The following PHACTR1 variants were observed in gnomAD, a reference collection of about 807,000 sequenced individuals.
PHACTR1 encodes the protein RPEL repeat containing 1.
PHACTR1 carries 16 observed loss-of-function variants against 69.2 expected under a neutral mutation model. That is an observed-to-expected ratio of 0.23 (90% confidence interval 0.16 to 0.35). The LOEUF (loss-of-function observed/expected upper bound fraction) is 0.35, where lower values mean the gene tolerates loss of function less well. PHACTR1 is among the 10% of genes least tolerant of loss of function. The pLI is 1.00. For missense variants in PHACTR1, 510 were observed against 734.7 expected (o/e 0.69, Z 3.54); for synonymous variants, 312 against 284.5 (o/e 1.10, Z -0.97).
At chr6:13,082,633 C>A (rs1231162448) in intron 5 of PHACTR1, among the ~76,000 whole-genome samples, 1 of 152,114 alleles carries the variant, frequency 6.6e-6, no homozygotes, top group African/African-American at 2.4e-5. Flanking sequence ...TATTAATGAT[C>A]GCCATTCTAA....
intron 6 of PHACTR1, among the ~76,000 whole-genome samples, chr6:13,177,215 T>C (rs1761460837): frequency 7.5e-6 from 1 of 132,506 alleles, no homozygotes; most frequent in African/African-American, 3.2e-5. Context: ...CCAGGCATGG[T>C]AGTGTGCACC....
chr6:13,194,621 T>C (rs1764113239), intron 7 of PHACTR1, among the ~76,000 whole-genome samples: 1 of 152,088 alleles, frequency 6.6e-6, no homozygotes, highest in Non-Finnish European at 1.5e-5. Flanking sequence ...TAATGGATTG[T>C]ATATTTCAAA....
chr6:12,962,091 C>T (rs1425996506), intron 4 of PHACTR1, among the ~76,000 whole-genome samples: 1 of 151,954 alleles, frequency 6.6e-6, no homozygotes, highest in Non-Finnish European at 1.5e-5. Context: ...ACCACCTTAG[C>T]TAATTTCTTT....
chr6:12,847,889 G>T (rs896294977), intron 4 of PHACTR1, among the ~76,000 whole-genome samples: 4 of 152,022 alleles, frequency 2.6e-5, no homozygotes, highest in African/African-American at 7.2e-5. Context: ...CCTTTGAAAC[G>T]ATTTCTATCT....
chr6:12,776,409 T>C (rs1770068301), intron 4 of PHACTR1, among the ~76,000 whole-genome samples: 1 of 152,240 alleles, frequency 6.6e-6, no homozygotes, highest in Non-Finnish European at 1.5e-5. Flanking sequence ...CAGCAGCCTC[T>C]GGTAAACCAG....
intron 4 of PHACTR1, among the ~76,000 whole-genome samples, chr6:12,860,753 A>C (rs936713691): frequency 6.6e-6 from 1 of 152,174 alleles, no homozygotes; most frequent in African/African-American, 2.4e-5. Flanking sequence ...ACCAGTGATG[A>C]TGAGCTCTTT....
chr6:13,197,773 C>T (rs1002297300), intron 7 of PHACTR1, among the ~76,000 whole-genome samples: 1 of 152,182 alleles, frequency 6.6e-6, no homozygotes, highest in African/African-American at 2.4e-5. Flanking sequence ...CAGCAGAAGC[C>T]TCTGCACCTC....
intron 8 of PHACTR1, among the ~76,000 whole-genome samples, chr6:13,218,517 T>C (rs1180771168): frequency 6.6e-6 from 1 of 152,134 alleles, no homozygotes; most frequent in African/African-American, 2.4e-5. Flanking sequence ...TTTTGAAGTC[T>C]AGAGATCCCT....
intron 10 of PHACTR1, among the ~76,000 whole-genome samples, chr6:13,255,769 C>T (rs1415340888): frequency 6.6e-6 from 1 of 152,356 alleles, no homozygotes. Context: ...GCACCCAAAG[C>T]GTTGGCCAGT....
chr6:13,287,348 C>T lies in PHACTR1; in HGVS notation c.*270C>T, dbSNP rs941993692. 2 of 503,502 alleles carry T rather than the reference C, an allele frequency of 4.0e-6. No homozygotes were observed. The highest frequency in any genetic ancestry group is 4.0e-5 in the African/African-American group (2 of 50,498). 31.2% of individuals were successfully genotyped at this position (503,502 alleles called of 1,614,324 possible). A position where few individuals can be genotyped will look rare whatever the true frequency, so the allele number is the denominator to read the frequency against. On this transcript the variant is annotated 3_prime_UTR_variant, in exon 15 of 15. Coordinates refer to ENST00000332995, the MANE Select transcript of PHACTR1 (RefSeq NM_030948.6). The stretch of plus-strand genomic sequence containing the variant: ...GCCAAGGGCACCAGCAGGGCCCTGA[C>T]TGAAGACTGTCTGGCAGGTGGAACG...
At chr6:13,182,424 G>T in intron 6 of PHACTR1, 95 bp from the exon 7 acceptor site, 1 of 1,361,552 alleles carries the variant, frequency 7.3e-7, no homozygotes, top group South Asian at 1.2e-5. Context: ...GACCTTGATT[G>T]TTCAGCAGCA....
chr6:13,184,001 A>G (rs1762514648), intron 7 of PHACTR1, among the ~76,000 whole-genome samples: 1 of 152,220 alleles, frequency 6.6e-6, no homozygotes, highest in African/African-American at 2.4e-5. Flanking sequence ...GGAGGAATTG[A>G]TAAAAGAAAA....
At chr6:12,820,870 A>G (rs1053576616) in intron 4 of PHACTR1, among the ~76,000 whole-genome samples, 8 of 152,220 alleles carry the variant, frequency 5.3e-5, no homozygotes, top group Non-Finnish European at 8.8e-5. Context: ...CATCATTACC[A>G]TCACCAAAAC....
At chr6:13,106,954 A>G (rs766511026) in intron 5 of PHACTR1, among the ~76,000 whole-genome samples, 1 of 152,060 alleles carries the variant, frequency 6.6e-6, no homozygotes, top group Non-Finnish European at 1.5e-5. Context: ...ATTAAATTTG[A>G]TAGTATTTTG....
chr6:12,961,918 C>CT (rs1206079130), intron 4 of PHACTR1, among the ~76,000 whole-genome samples: 3 of 151,884 alleles, frequency 2.0e-5, no homozygotes, highest in African/African-American at 4.8e-5. Flanking sequence ...GTCTCCTTCT[C>CT]TTTTTTTGTT....
At chr6:13,143,428 A>G (rs1003472581) in intron 5 of PHACTR1, among the ~76,000 whole-genome samples, 4 of 152,124 alleles carry the variant, frequency 2.6e-5, no homozygotes, top group African/African-American at 9.7e-5. Flanking sequence ...ATCCACAAAA[A>G]CTTAAAATTT....
intron 4 of PHACTR1, among the ~76,000 whole-genome samples, chr6:12,989,962 C>G (rs965940367): frequency 2.6e-5 from 4 of 152,170 alleles, no homozygotes; most frequent in East Asian, 3.9e-4. Flanking sequence ...TGTCTTTCTC[C>G]TTGAGCACAG....
intron 4 of PHACTR1, among the ~76,000 whole-genome samples, chr6:13,021,493 G>A (rs1237487125): frequency 6.6e-6 from 1 of 152,118 alleles, no homozygotes; most frequent in Non-Finnish European, 1.5e-5. Flanking sequence ...ATTCATGCGC[G>A]AGCTTTAGCA....
intron 4 of PHACTR1, among the ~76,000 whole-genome samples, chr6:12,850,565 G>C (rs1779730503): frequency 6.6e-6 from 1 of 152,168 alleles, no homozygotes; most frequent in African/African-American, 2.4e-5. Flanking sequence ...CTTGGTATTT[G>C]TTTCCCAGTA....
Sources: gnomAD v4.1 joint callset for allele counts (sites outside exome capture counted in the v4.1 genomes callset) on GRCh38, gnomAD v4.1.1 for gene constraint, MANE v1.5 for transcripts, NCBI Gene and HGNC (gene_info 2026-07-23, HGNC 2026-07-21) for gene names.